The following CTNNA2 variants were observed in gnomAD, a reference collection of about 807,000 sequenced individuals.
CTNNA2 encodes the protein catenin alpha 2, also known as catenin alpha-2.
A neutral mutation model predicts 101.0 loss-of-function variants in CTNNA2; 42 were observed. The ratio of observed to expected loss-of-function variants is 0.42; its 90% CI spans 0.32 to 0.54. The LOEUF (loss-of-function observed/expected upper bound fraction) is 0.54, where lower values mean the gene tolerates loss of function less well. Among genes scored for constraint, CTNNA2 ranks in the 20% least tolerant of loss-of-function variants. The pLI, the probability that CTNNA2 is intolerant of heterozygous loss-of-function variation, is 0.14. For synonymous variants in CTNNA2, 450 were observed against 456.4 expected (o/e 0.99, Z 0.18); for missense variants, 871 against 1,223.1 (o/e 0.71, Z 4.29).
intron 4 of CTNNA2, among the ~76,000 whole-genome samples, chr2:79,460,944 C>A (rs1670871237): frequency 6.6e-6 from 1 of 152,104 alleles, no homozygotes; most frequent in Non-Finnish European, 1.5e-5. Flanking sequence ...AGGGTTCAAG[C>A]AATTCTCCTG....
At chr2:80,604,885 A>G (rs1697869494) in intron 16 of CTNNA2, among the ~76,000 whole-genome samples, 1 of 151,982 alleles carries the variant, frequency 6.6e-6, no homozygotes. Context: ...AAGGGCAGAA[A>G]CAGGTTGCAG....
intron 3 of CTNNA2, among the ~76,000 whole-genome samples, chr2:79,372,112 T>C (rs1677885778): frequency 1.3e-5 from 2 of 152,126 alleles, no homozygotes; most frequent in Admixed American, 1.3e-4. Flanking sequence ...GGGGTGAACC[T>C]GAGGTGAGGC....
Position 79,294,633 on chromosome 2 carries a change from T to G in CTNNA2, c.-405-18076T>G, listed in dbSNP as rs140469488. 3.7e-4 allele frequency among the ~76,000 whole-genome samples: 56 copies of G among 152,296 alleles called. No individual in the cohort carries two copies. In the East Asian group the frequency reaches 0.01, roughly 28 times the overall value. On this transcript the variant is annotated intron_variant, in intron 2 of 21. Coordinates refer to the CTNNA2 transcript ENST00000466387. ...TGGGTTAAAATATAAGTGGTGTCTATTTTATAGATTATCAGAAGGAATAAA... is the reference window on the plus strand; with the variant it reads ...TGGGTTAAAATATAAGTGGTGTCTAGTTTATAGATTATCAGAAGGAATAAA...
intron 7 of CTNNA2, among the ~76,000 whole-genome samples, chr2:80,193,211 A>C (rs116506220): frequency 6.6e-6 from 1 of 152,206 alleles, no homozygotes; most frequent in Non-Finnish European, 1.5e-5. Flanking sequence ...CATATCAACC[A>C]ATGAGAAATA....
chr2:80,442,281 T>C (rs1682661655), intron 9 of CTNNA2, among the ~76,000 whole-genome samples: 1 of 152,214 alleles, frequency 6.6e-6, no homozygotes. Context: ...AGTTAATTGA[T>C]GTGTTCTGCT....
chr2:80,010,068 T>A (rs988710911), intron 7 of CTNNA2, among the ~76,000 whole-genome samples: 1 of 152,174 alleles, frequency 6.6e-6, no homozygotes, highest in Non-Finnish European at 1.5e-5. Flanking sequence ...TATAAATAAA[T>A]GTTCTTTGCA....
chr2:79,460,806 A>G (rs1670869398), intron 4 of CTNNA2, among the ~76,000 whole-genome samples: 1 of 147,172 alleles, frequency 6.8e-6, no homozygotes, highest in East Asian at 1.9e-4. Flanking sequence ...GTTTCCCTTC[A>G]TGCCCTTCTT....
At chr2:80,635,346 C>T (rs945098127) in intron 18 of CTNNA2, among the ~76,000 whole-genome samples, 7 of 152,128 alleles carry the variant, frequency 4.6e-5, no homozygotes, top group Non-Finnish European at 7.3e-5. Context: ...CATGGATCGA[C>T]TGCTCAAATT....
chr2:79,450,410 A>G (rs1678877288), intron 4 of CTNNA2, among the ~76,000 whole-genome samples: 2 of 151,982 alleles, frequency 1.3e-5, no homozygotes, highest in Admixed American at 6.6e-5. Flanking sequence ...TCTTATGTCA[A>G]ACTTTGTAAG....
At chr2:80,336,377 G>A (rs761610473) in intron 7 of CTNNA2, among the ~76,000 whole-genome samples, 4 of 152,118 alleles carry the variant, frequency 2.6e-5, no homozygotes, top group East Asian at 1.9e-4. Context: ...TTAGGGGGAC[G>A]TAAGCATTCA....
chr2:80,128,017 T>G (rs1055506533), intron 7 of CTNNA2, among the ~76,000 whole-genome samples: 2 of 152,080 alleles, frequency 1.3e-5, no homozygotes, highest in African/African-American at 4.8e-5. Context: ...TGGCTCACTC[T>G]GCTCAGTGGT....
chr2:80,495,939 CAAAAAAAAAA>C (rs60582703), intron 9 of CTNNA2, among the ~76,000 whole-genome samples: 4 of 35,772 alleles, frequency 1.1e-4, no homozygotes, highest in Admixed American at 5.1e-4. Context: ...GACTCTGTCT[CAAAAAAAAAA>C]AAAAAAAAAA....
At chr2:80,566,109 T>C (rs960323524) in intron 12 of CTNNA2, among the ~76,000 whole-genome samples, 1 of 152,218 alleles carries the variant, frequency 6.6e-6, no homozygotes, top group Non-Finnish European at 1.5e-5. Flanking sequence ...GTTTTACTTA[T>C]GGCATAGCAT....
chr2:80,450,860 A>G (rs1466398377), intron 9 of CTNNA2, among the ~76,000 whole-genome samples: 2 of 152,070 alleles, frequency 1.3e-5, no homozygotes, highest in African/African-American at 4.8e-5. Flanking sequence ...ACAGGGTTGG[A>G]TGGTAATTTT....
intron 7 of CTNNA2, among the ~76,000 whole-genome samples, chr2:80,196,327 A>G (rs189700427): frequency 4.1e-4 from 62 of 152,262 alleles, no homozygotes; most frequent in Middle Eastern, 3.4e-3. Context: ...TATTAAATGC[A>G]TTGCCAGCCA....
At chr2:80,414,596 C>T (rs1010131020) in intron 8 of CTNNA2, among the ~76,000 whole-genome samples, 4 of 152,180 alleles carry the variant, frequency 2.6e-5, no homozygotes, top group African/African-American at 9.7e-5. Flanking sequence ...ACCGCTACCT[C>T]CTGTACTCTT....
intron 6 of CTNNA2, among the ~76,000 whole-genome samples, chr2:79,903,321 G>A (rs960162492): frequency 7.2e-5 from 11 of 151,856 alleles, no homozygotes; most frequent in African/African-American, 2.7e-4. Context: ...GGCTCTGAAG[G>A]CTTGATGCTG....
chr2:79,862,201 G>A (rs1681677977), intron 4 of CTNNA2, among the ~76,000 whole-genome samples: 1 of 152,180 alleles, frequency 6.6e-6, no homozygotes, highest in Admixed American at 6.5e-5. Flanking sequence ...TTGATTATTT[G>A]ATAATTTCTC....
chr2:79,588,436 A>G (rs1232968461), intron 1 of CTNNA2, among the ~76,000 whole-genome samples: 4 of 152,218 alleles, frequency 2.6e-5, no homozygotes, highest in African/African-American at 9.6e-5. Context: ...GGATAAAGAT[A>G]TACTTACATT....
Sources: gnomAD v4.1 joint callset for allele counts (sites outside exome capture counted in the v4.1 genomes callset) on GRCh38, gnomAD v4.1.1 for gene constraint, MANE v1.5 for transcripts, NCBI Gene and HGNC (gene_info 2026-07-23, HGNC 2026-07-21) for gene names.